Variants in LASP1 observed in about 807,000 individuals in gnomAD.
LASP1 encodes the protein LIM and SH3 domain protein 1.
A neutral mutation model predicts 38.6 loss-of-function variants in LASP1; 10 were observed. The observed-to-expected ratio is 0.26, with a 90% confidence interval of 0.16 to 0.44. The LOEUF (loss-of-function observed/expected upper bound fraction) is 0.44, where lower values mean the gene tolerates loss of function less well. Among genes scored for constraint, LASP1 ranks in the 20% least tolerant of loss-of-function variants. LASP1 has a pLI of 1.00. For missense variants in LASP1, 243 were observed against 375.7 expected (o/e 0.65, Z 2.92); for synonymous variants, 132 against 140.8 (o/e 0.94, Z 0.44).
intron 6 of LASP1, chr17:38,916,112 A>G (rs1915115594): frequency 6.6e-6 from 1 of 152,350 alleles, no homozygotes; most frequent in South Asian, 2.1e-4. Context: ...CCATCTCTGA[A>G]TATAAAGCCA....
chr17:38,870,855 T>A (rs1315243994), intron 1 of LASP1, among the ~76,000 whole-genome samples: 1 of 152,178 alleles, frequency 6.6e-6, no homozygotes, highest in African/African-American at 2.4e-5. Flanking sequence ...TTGAACGACC[T>A]GCACCCCCTT....
chr17:38,918,148 A>G lies in LASP1; in HGVS notation c.613-457A>G, dbSNP rs1915186163. 6.6e-6 allele frequency among the ~76,000 whole-genome samples: 1 copy of G among 151,916 alleles called. No homozygotes were observed. The highest frequency in any genetic ancestry group is 2.1e-4 in the South Asian group (1 of 4,818). On this transcript the variant is annotated intron_variant, in intron 6 of 6. Coordinates refer to ENST00000318008, the MANE Select transcript of LASP1 (RefSeq NM_006148.4). This position sits in a 1 kb window ranked among gnomAD's most constrained non-coding sequence, Gnocchi z 4.4. Reference sequence around the variant, plus strand: ...AAGCAAGACTCCATCTCAAAAAAAAAAAAAAAAAGAGGGAGTTGGGGGGTC... The same window carrying G: ...AAGCAAGACTCCATCTCAAAAAAAAGAAAAAAAAGAGGGAGTTGGGGGGTC...
chr17:38,880,713 G>A (rs1913922561), intron 2 of LASP1, among the ~76,000 whole-genome samples: 2 of 152,218 alleles, frequency 1.3e-5, no homozygotes, highest in Non-Finnish European at 2.9e-5. Flanking sequence ...GGGCCAAGAA[G>A]TTACCCGTGG....
intron 2 of LASP1, among the ~76,000 whole-genome samples, chr17:38,887,582 C>T (rs1249429382): frequency 1.3e-5 from 2 of 152,224 alleles, no homozygotes; most frequent in Admixed American, 6.5e-5. Context: ...TTCCCTTCCT[C>T]TGCTGGAGGA....
intron 2 of LASP1, among the ~76,000 whole-genome samples, chr17:38,883,201 C>T (rs1914003581): frequency 6.6e-6 from 1 of 151,882 alleles, no homozygotes; most frequent in African/African-American, 2.4e-5. Context: ...AGTTCAAGAC[C>T]AGCCTCATCT....
intron 4 of LASP1, 39 bp downstream of exon 4, chr17:38,898,558 T>C: frequency 7.0e-7 from 1 of 1,429,986 alleles, no homozygotes; most frequent in Non-Finnish European, 9.7e-7. Context: ...CCTGCTGCCC[T>C]CTGTTTGGTC....
intron 2 of LASP1, among the ~76,000 whole-genome samples, chr17:38,879,764 C>T (rs940160324): frequency 1.4e-3 from 207 of 152,100 alleles, no homozygotes; most frequent in Non-Finnish European, 2.6e-3. Flanking sequence ...TTTAGGGGCT[C>T]GCTCATTCAG....
intron 4 of LASP1, among the ~76,000 whole-genome samples, chr17:38,900,438 G>A (rs985255637): frequency 8.6e-5 from 13 of 150,684 alleles, no homozygotes; most frequent in Non-Finnish European, 1.9e-4. Context: ...ACTTTGAGAG[G>A]CTGAGGTGGG....
intron 3 of LASP1, among the ~76,000 whole-genome samples, chr17:38,894,053 C>G (rs1914416536): frequency 6.6e-6 from 1 of 152,072 alleles, no homozygotes; most frequent in African/African-American, 2.4e-5. Context: ...TGGAGCCTCC[C>G]CTGTGGAGGA....
intron 3 of LASP1, 112 bp downstream of exon 3, chr17:38,890,616 G>C (rs1000893274): frequency 1.2e-5 from 11 of 934,150 alleles, no homozygotes; most frequent in Non-Finnish European, 1.9e-5. Flanking sequence ...GCAAGGCCAA[G>C]GTGCTGAAAT....
Position 38,920,572 on chromosome 17 carries a change from T to A in LASP1, c.*1794T>A. On this transcript the variant is annotated 3_prime_UTR_variant, in exon 7 of 7. Coordinates refer to ENST00000318008, the MANE Select transcript of LASP1 (RefSeq NM_006148.4). ...CCCTTGGCACACTTGTACCCACAGG[T>A]GAGGGGCAGGACCTGAAGGTATTGG... 3 of 246,108 alleles carry A rather than the reference T, an allele frequency of 1.2e-5. No individual in the cohort carries two copies. The highest frequency in any genetic ancestry group is 2.4e-5 in the Non-Finnish European group (3 of 124,416). 15.2% of individuals were successfully genotyped at this position (246,108 alleles called of 1,614,324 possible).
chr17:38,912,254 G>A (rs1358566999), intron 4 of LASP1, among the ~76,000 whole-genome samples: 2 of 152,246 alleles, frequency 1.3e-5, no homozygotes, highest in Non-Finnish European at 2.9e-5. Context: ...GCCCAGGTGG[G>A]GCTAGAGCAG....
At chr17:38,900,519 A>G (rs1273073999) in intron 4 of LASP1, among the ~76,000 whole-genome samples, 1 of 152,106 alleles carries the variant, frequency 6.6e-6, no homozygotes, top group African/African-American at 2.4e-5. Context: ...CTAAAAATAC[A>G]AAAATTAGCT....
intron 4 of LASP1, among the ~76,000 whole-genome samples, chr17:38,905,917 G>A (rs1045406502): frequency 2.0e-5 from 3 of 152,070 alleles, no homozygotes; most frequent in South Asian, 4.1e-4. Flanking sequence ...AAAATTAGCC[G>A]TGCATGGTGG....
intron 4 of LASP1, among the ~76,000 whole-genome samples, chr17:38,911,198 C>A (rs182981819): frequency 6.6e-6 from 1 of 152,128 alleles, no homozygotes; most frequent in African/African-American, 2.4e-5. Flanking sequence ...GGACACCACC[C>A]GCCAACAGCA....
chr17:38,902,841 T>C (rs1914681517), intron 4 of LASP1, among the ~76,000 whole-genome samples: 1 of 152,172 alleles, frequency 6.6e-6, no homozygotes, highest in African/African-American at 2.4e-5. Flanking sequence ...TAGCTAGGAC[T>C]ATAGGCACAT....
chr17:38,893,510 C>T lies in LASP1; in HGVS notation c.249+3006C>T, dbSNP rs1030495394. Among the ~76,000 whole-genome samples the T allele has an allele frequency of 5.3e-5, 8 of 152,162 alleles. No homozygotes were observed. The East Asian group carries it at 1.2e-3, about 22-fold the overall frequency. ...AGGGTAGGGCTTTGCACTAAGGGCA[C>T]GGCTCTGTTCCCCTGAGGTGGGGGT... On this transcript the variant is annotated intron_variant, in intron 3 of 6. Transcript: ENST00000318008.
At chr17:38,914,908 A>G (rs1171353667) in intron 5 of LASP1, 135 bp from the exon 6 acceptor site, 1 of 778,180 alleles carries the variant, frequency 1.3e-6, no homozygotes, top group African/African-American at 1.7e-5. Context: ...ACACGTGGAC[A>G]TCAGCCTTTG....
intron 4 of LASP1, among the ~76,000 whole-genome samples, chr17:38,913,740 G>A (rs1598121883): frequency 1.3e-5 from 2 of 152,210 alleles, no homozygotes; most frequent in South Asian, 4.1e-4. Context: ...GGTGGCTCAC[G>A]CCTGTAATCC....
Sources: allele counts gnomAD v4.1 joint callset (sites outside exome capture counted in the v4.1 genomes callset), GRCh38; gene constraint gnomAD v4.1.1; non-coding constraint Gnocchi (gnomAD v3.1); transcripts MANE v1.5; gene names NCBI Gene and HGNC (gene_info 2026-07-23, HGNC 2026-07-21).